Variants in ZNF469 observed in about 807,000 individuals in gnomAD.
ZNF469 encodes zinc finger protein 469.
Under a neutral mutation model 1.0 loss-of-function variants are expected in ZNF469, and 1 was observed. The observed-to-expected ratio is 1.00, with a 90% CI of 0.35 to 4.73. The LOEUF is 4.73. Ranked by LOEUF, ZNF469 falls within the 30% of genes most tolerant of loss-of-function variation. The pLI, the probability that ZNF469 is intolerant of heterozygous loss-of-function variation, is 0.16. For missense variants in ZNF469, 6,100 were observed against 5,356.3 expected (o/e 1.14, Z -4.33); for synonymous variants, 2,703 against 2,363.4 (o/e 1.14, Z -4.17).
chr16:88,335,354 C>G, the ZNF469 span, among the ~76,000 whole-genome samples: 1 of 152,240 alleles, frequency 6.6e-6, no homozygotes. Flanking sequence ...TTCCGCTCCA[C>G]ATGGTGTGGA....
rs962499926 is a variant in ZNF469, at chr16:88,437,816, C to G, written c.10346C>G (p.Ala3449Gly). The G allele has an allele frequency of 7.8e-6, 12 of 1,542,806 alleles. No individual in the cohort carries two copies. Among genetic ancestry groups the G allele is most frequent in the African/African-American group, 1.4e-5 (1 of 72,864 alleles). The change falls in exon 3 of 3, where the codon GCG becomes GGG. Residue 3449 changes from alanine (A) to glycine (G), a missense_variant. By Grantham distance (60) the Ala-to-Gly change is moderately conservative (BLOSUM62 0). Transcript: ENST00000565624. ...KHLRGGRQPF[A>G]FRGVRRPGAP... ...CTCAGGGGGGGGCGGCAGCCCTTCG[C>G]GTTCCGCGGCGTGCGGAGGCCGGGA... is the stretch of plus-strand genomic sequence containing the variant.
chr16:88,239,715 ATTTTTTTTTTTTTTTTT>A, the ZNF469 span, among the ~76,000 whole-genome samples: 35 of 6,784 alleles, frequency 5.2e-3, no homozygotes, highest in African/African-American at 0.021. Flanking sequence ...ATATATATAT[ATTTTTTTTTTTTTTTTT>A]TTTTTTTTTA....
the ZNF469 span, among the ~76,000 whole-genome samples, chr16:88,113,777 G>A: frequency 7.9e-5 from 12 of 152,218 alleles, no homozygotes; most frequent in African/African-American, 2.7e-4. Flanking sequence ...CACCGACACG[G>A]CTGGTTTGAC....
At position 88,437,824 on chromosome 16, in the gene ZNF469, G is replaced by A. The variant is rs548646578; in HGVS notation, c.10354G>A (p.Gly3452Ser). ...RGGRQPFAFRGVRRPGAPGQK... is the reference protein window; with the variant it reads ...RGGRQPFAFRSVRRPGAPGQK... ...GGGGCGGCAGCCCTTCGCGTTCCGC[G>A]GCGTGCGGAGGCCGGGAGCGCCGGG... Residue 3452 changes from glycine (G) to serine (S), a missense_variant, in exon 3 of 3, where the codon GGC becomes AGC. Transcript: ENST00000565624. 111 of 1,541,940 alleles carry A rather than the reference G, an allele frequency of 7.2e-5. No individual in the cohort carries two copies. Among genetic ancestry groups the A allele is most frequent in the Middle Eastern group, 5.0e-4 (3 of 5,966 alleles).
At chr16:88,177,035 G>C in the ZNF469 span, among the ~76,000 whole-genome samples, 1 of 152,276 alleles carries the variant, frequency 6.6e-6, no homozygotes. The surrounding 1 kb of genome is among the most constrained non-coding windows in gnomAD (Gnocchi z 4.8). Context: ...AGGCAAAGGA[G>C]AAGGCACCCG....
At chr16:88,145,765 C>T in the ZNF469 span, among the ~76,000 whole-genome samples, 4 of 152,248 alleles carry the variant, frequency 2.6e-5, no homozygotes, top group Non-Finnish European at 4.4e-5. Context: ...CCCCCAGTGC[C>T]GGGCAACTGC....
At chr16:88,188,848 C>A in the ZNF469 span, among the ~76,000 whole-genome samples, 1,824 of 152,236 alleles carry the variant, frequency 0.012, 13 homozygotes, top group Non-Finnish European at 0.019. Context: ...AGGAGCACAG[C>A]CTTAGATGCT....
At chr16:88,349,887 C>CAAG in the ZNF469 span, among the ~76,000 whole-genome samples, 56 of 139,324 alleles carry the variant, frequency 4.0e-4, no homozygotes, top group African/African-American at 5.3e-4. Context: ...ACACCACACA[C>CAAG]TTGCACACAC....
At chr16:88,416,795 C>T (rs865812445) in intron 1 of ZNF469, among the ~76,000 whole-genome samples, 3 of 152,184 alleles carry the variant, frequency 2.0e-5, no homozygotes, top group South Asian at 2.1e-4. Flanking sequence ...GCTCCCTCCA[C>T]GGGACCCAGC....
the ZNF469 span, among the ~76,000 whole-genome samples, chr16:88,215,202 A>G: frequency 1.3e-5 from 2 of 152,044 alleles, no homozygotes; most frequent in Non-Finnish European, 2.9e-5. Flanking sequence ...CCTTTAATGT[A>G]ATTACTGAAA....
At chr16:88,310,169 G>C in the ZNF469 span, among the ~76,000 whole-genome samples, 2 of 152,180 alleles carry the variant, frequency 1.3e-5, no homozygotes, top group Non-Finnish European at 2.9e-5. Context: ...CCTGGCATGA[G>C]AGCAAATCTC....
At chr16:88,397,905 C>T (rs918883328) in intron 1 of ZNF469, among the ~76,000 whole-genome samples, 3 of 152,154 alleles carry the variant, frequency 2.0e-5, no homozygotes, top group Admixed American at 6.5e-5. Context: ...TGCTTCATGG[C>T]GTGTCATCAA....
rs1017510454 is a variant in ZNF469, at chr16:88,432,039, G to A, written c.4569G>A (p.Val1523=). ...TTCCTGATCTCTCGGGGGGAAAGGTGCTCAGTAAGACGTGTCCCCCTGAAC... is the reference window on the plus strand; with the variant it reads ...TTCCTGATCTCTCGGGGGGAAAGGTACTCAGTAAGACGTGTCCCCCTGAAC... ...SHFPDLSGGK[V]LSKTCPPERT... is the part of the protein sequence containing the mutation. The change falls in exon 3 of 3, where the codon GTG becomes GTA. Residue 1523 remains valine (V), a synonymous_variant. Transcript: ENST00000565624. 1.3e-6 allele frequency: 2 copies of A among 1,550,492 alleles called. No homozygotes were observed. Among genetic ancestry groups the A allele is most frequent in the East Asian group, 2.4e-5 (1 of 40,912 alleles).
Position 88,433,486 on chromosome 16 carries a change from G to A in ZNF469, c.6016G>A (p.Gly2006Arg), listed in dbSNP as rs752527135. 19 of 1,550,390 alleles carry A rather than the reference G, an allele frequency of 1.2e-5. No individual in the cohort carries two copies. Among genetic ancestry groups the A allele is most frequent in the Non-Finnish European group, 1.6e-5 (18 of 1,146,952 alleles). ...AGCCAACCAGCTTCAGCCAGAGAAC[G>A]GGGTGAGCCCAGGGGGCACGGACAA... ...GTANQLQPEN[G>R]VSPGGTDNHA... The change falls in exon 3 of 3, where the codon GGG (glycine) becomes AGG (arginine). Residue 2006 changes from glycine (G) to arginine (R), a missense_variant. Transcript: ENST00000565624.
the ZNF469 span, chr16:88,192,242 C>T: frequency 2.0e-5 from 3 of 152,236 alleles, no homozygotes; most frequent in Non-Finnish European, 2.9e-5. Flanking sequence ...GAGCATGGCT[C>T]CTGCAGGGAG....
chr16:88,219,962 G>C, the ZNF469 span, among the ~76,000 whole-genome samples: 2 of 152,146 alleles, frequency 1.3e-5, no homozygotes, highest in Admixed American at 6.5e-5. Context: ...TCCCCTTCCT[G>C]GTTCTCCCCT....
At chr16:88,200,615 C>T in the ZNF469 span, among the ~76,000 whole-genome samples, 1 of 152,240 alleles carries the variant, frequency 6.6e-6, no homozygotes, top group Admixed American at 6.5e-5. Context: ...CTGCAAATGC[C>T]CTGGGCTGGA....
At chr16:88,403,941 G>A (rs577806830) in intron 1 of ZNF469, among the ~76,000 whole-genome samples, 2 of 152,284 alleles carry the variant, frequency 1.3e-5, no homozygotes, top group African/African-American at 4.8e-5. Flanking sequence ...GCTCAGCTCT[G>A]TGGCTTCGGG....
chr16:88,169,471 G>A, the ZNF469 span, among the ~76,000 whole-genome samples: 5 of 152,234 alleles, frequency 3.3e-5, no homozygotes, highest in South Asian at 2.1e-4. This position sits in a 1 kb window ranked among gnomAD's most constrained non-coding sequence, Gnocchi z 6.1. Context: ...CGTCATCGAG[G>A]TGGAGTTCTC....
Sources: allele counts gnomAD v4.1 joint callset (sites outside exome capture counted in the v4.1 genomes callset), GRCh38; gene constraint gnomAD v4.1.1; non-coding constraint Gnocchi (gnomAD v3.1); transcripts MANE v1.5; gene names NCBI Gene and HGNC (gene_info 2026-07-23, HGNC 2026-07-21).